ROBO1: variants seen among roughly 807,000 people sequenced by gnomAD.
ROBO1 encodes roundabout homolog 1.
A neutral mutation model predicts 195.9 loss-of-function variants in ROBO1; 149 were observed. That is an observed-to-expected ratio of 0.76 (90% CI 0.67 to 0.87). The LOEUF is 0.87. ROBO1 is among the 40% of genes least tolerant of loss of function. The pLI, the probability that ROBO1 is intolerant of heterozygous loss-of-function variation, is 0.00. For synonymous variants in ROBO1, 816 were observed against 733.2 expected (o/e 1.11, Z -1.82); for missense variants, 1,933 against 2,068.3 (o/e 0.93, Z 1.27).
intron 2 of ROBO1, among the ~76,000 whole-genome samples, chr3:79,249,515 T>C (rs2082681847): frequency 6.6e-6 from 1 of 152,124 alleles, no homozygotes; most frequent in South Asian, 2.1e-4. Context: ...ATACTAGAGA[T>C]TGTTAAGGAC....
intron 1 of ROBO1, among the ~76,000 whole-genome samples, chr3:79,614,598 CTA>C (rs1411382282): frequency 6.6e-6 from 1 of 151,984 alleles, no homozygotes; most frequent in African/African-American, 2.4e-5. Flanking sequence ...TATTAAAAAA[CTA>C]TAACTTTTCT....
At position 79,302,162 on chromosome 3, in the gene ROBO1, C is replaced by T. The variant is rs2032992014; in HGVS notation, c.89-176623G>A. Reference sequence around the variant, plus strand: ...GGAACTATACACGCTATCCACATGTCTGGGTAATCTAATCAACCTCTGCTC... The same window carrying T: ...GGAACTATACACGCTATCCACATGTTTGGGTAATCTAATCAACCTCTGCTC... On this transcript the variant is annotated intron_variant, in intron 2 of 30. Transcript: ENST00000464233. Among the ~76,000 whole-genome samples the T allele has an allele frequency of 2.0e-5, 3 of 152,310 alleles. No individual in the cohort carries two copies. In the South Asian group the frequency reaches 6.2e-4, roughly 32 times the overall value.
intron 4 of ROBO1, among the ~76,000 whole-genome samples, chr3:78,774,310 TAA>T (rs2083449200): frequency 6.6e-6 from 1 of 151,578 alleles, no homozygotes; most frequent in African/African-American, 2.4e-5. Context: ...AGATATTTGC[TAA>T]AAGTTTTTTT....
intron 2 of ROBO1, among the ~76,000 whole-genome samples, chr3:79,389,235 T>C (rs1273114522): frequency 6.6e-6 from 1 of 151,862 alleles, no homozygotes; most frequent in African/African-American, 2.4e-5. Flanking sequence ...ACACATAAAA[T>C]GAATAATATA....
At chr3:79,526,449 A>G (rs1381426320) in intron 2 of ROBO1, 2 of 152,220 alleles carry the variant, frequency 1.3e-5, no homozygotes, top group African/African-American at 4.8e-5. Flanking sequence ...AGGGATTGTT[A>G]GCTTCAAAAA....
At chr3:79,364,936 T>C (rs1471733741) in intron 2 of ROBO1, among the ~76,000 whole-genome samples, 2 of 152,182 alleles carry the variant, frequency 1.3e-5, no homozygotes, top group Non-Finnish European at 2.9e-5. Flanking sequence ...TTCTGAAAAG[T>C]AGTTCTCTTT....
At chr3:78,677,127 A>G (rs1708485139) in intron 10 of ROBO1, among the ~76,000 whole-genome samples, 1 of 152,220 alleles carries the variant, frequency 6.6e-6, no homozygotes, top group African/African-American at 2.4e-5. Flanking sequence ...AAATGCTGAG[A>G]GATTTTGTCA....
intron 3 of ROBO1, among the ~76,000 whole-genome samples, chr3:79,026,215 T>C (rs935894719): frequency 1.1e-4 from 17 of 152,136 alleles, no homozygotes; most frequent in Admixed American, 7.9e-4. Flanking sequence ...CTAAGTATTT[T>C]ATGTATTCTA....
intron 1 of ROBO1, among the ~76,000 whole-genome samples, chr3:79,649,217 G>A (rs1039780639): frequency 1.3e-5 from 2 of 151,828 alleles, no homozygotes; most frequent in Non-Finnish European, 2.9e-5. Context: ...ATATTTTAGC[G>A]GGCAAGAAAT....
chr3:79,039,536 G>T (rs912016078), intron 3 of ROBO1, among the ~76,000 whole-genome samples: 1 of 152,036 alleles, frequency 6.6e-6, no homozygotes, highest in African/African-American at 2.4e-5. Flanking sequence ...TGTGGCTCAC[G>T]CCTGTAATCC....
chr3:79,721,958 A>G (rs1174530545), intron 1 of ROBO1, among the ~76,000 whole-genome samples: 1 of 152,194 alleles, frequency 6.6e-6, no homozygotes, highest in East Asian at 1.9e-4. Context: ...GTTAACGAGA[A>G]TGATTCTAAT....
At chr3:79,077,553 G>T (rs981641411) in intron 3 of ROBO1, among the ~76,000 whole-genome samples, 3 of 151,738 alleles carry the variant, frequency 2.0e-5, no homozygotes, top group East Asian at 1.9e-4. Flanking sequence ...CACATATTTT[G>T]TCACATTACT....
At chr3:79,018,759 C>T in intron 3 of ROBO1, 1 of 1,145,852 alleles carries the variant, frequency 8.7e-7, no homozygotes. Flanking sequence ...GAGGCAGAAG[C>T]GCAGTAGTGC....
chr3:79,683,285 C>A (rs1009234998), intron 1 of ROBO1, among the ~76,000 whole-genome samples: 2 of 151,842 alleles, frequency 1.3e-5, no homozygotes, highest in South Asian at 2.1e-4. Flanking sequence ...CTCTGTCATG[C>A]GATAAGATGC....
intron 4 of ROBO1, among the ~76,000 whole-genome samples, chr3:78,844,355 C>T (rs890932731): frequency 6.6e-6 from 1 of 151,962 alleles, no homozygotes; most frequent in Admixed American, 6.6e-5. Context: ...TTTTAACCTC[C>T]TTTTTCTGGA....
intron 10 of ROBO1, among the ~76,000 whole-genome samples, chr3:78,681,581 C>T (rs940233198): frequency 3.9e-5 from 6 of 152,120 alleles, no homozygotes; most frequent in African/African-American, 1.4e-4. Context: ...TGAAGCTTCA[C>T]GTTGGTGGAA....
At chr3:78,799,164 T>A (rs1453212915) in intron 4 of ROBO1, among the ~76,000 whole-genome samples, 1 of 152,128 alleles carries the variant, frequency 6.6e-6, no homozygotes, top group East Asian at 1.9e-4. Context: ...GGGAGAAACA[T>A]AAAGCATGTA....
chr3:78,891,279 C>G (rs1057140768), intron 4 of ROBO1, among the ~76,000 whole-genome samples: 7 of 152,096 alleles, frequency 4.6e-5, no homozygotes, highest in African/African-American at 1.7e-4. Context: ...AATGGAGAGG[C>G]TACAACCTTC....
intron 2 of ROBO1, among the ~76,000 whole-genome samples, chr3:79,296,514 T>C (rs75967593): frequency 0.027 from 4,172 of 152,198 alleles, 170 homozygotes; most frequent in African/African-American, 0.089. Context: ...GGACATCAAG[T>C]GCTAACCCAA....
Sources: gnomAD v4.1 joint callset for allele counts (sites outside exome capture counted in the v4.1 genomes callset) on GRCh38, gnomAD v4.1.1 for gene constraint, MANE v1.5 for transcripts, NCBI Gene and HGNC (gene_info 2026-07-23, HGNC 2026-07-21) for gene names.